The following ACOX2 variants were observed in gnomAD, a reference collection of about 807,000 sequenced individuals.
ACOX2 encodes peroxisomal acyl-coenzyme A oxidase 2.
A neutral mutation model predicts 77.5 loss-of-function variants in ACOX2; 59 were observed. That is an observed-to-expected ratio of 0.76 (90% confidence interval 0.62 to 0.95). The LOEUF is 0.95. Ranked by LOEUF, ACOX2 falls within the 40% of genes least tolerant of loss-of-function variation. The pLI is 0.00. For missense variants in ACOX2, 837 were observed against 880.4 expected (o/e 0.95, Z 0.62); for synonymous variants, 317 against 340.1 (o/e 0.93, Z 0.75).
intron 13 of ACOX2, among the ~76,000 whole-genome samples, chr3:58,510,653 AAAAAAAAAAAATATATATATATATATAT>A (rs2063273420): frequency 1.3e-4 from 5 of 39,938 alleles, no homozygotes; most frequent in Non-Finnish European, 1.8e-4. Context: ...AAAAAAAAAA[AAAAAAAAAAAATATATATATATATATAT>A]ATATATATAT....
chr3:58,515,474 TC>T lies in ACOX2; in HGVS notation c.1850+1731del. Among the ~76,000 whole-genome samples, 1 of 152,132 alleles carries T rather than the reference TC, an allele frequency of 6.6e-6. No homozygotes were observed. The highest frequency in any genetic ancestry group is 2.1e-4 in the South Asian group (1 of 4,826). On this transcript the variant is annotated intron_variant, in intron 13 of 14. Transcript: ENST00000302819. This position sits in a 1 kb window ranked among gnomAD's most constrained non-coding sequence, Gnocchi z 4.0. ...AATCTTATTTTTAAAAAATTACAAATCTTTTAGAGACAGGGTCTCACTATGT... is the reference window on the plus strand; with the variant it reads ...AATCTTATTTTTAAAAAATTACAAATTTTTAGAGACAGGGTCTCACTATGT...
rs369049289 is a variant in ACOX2, at chr3:58,505,305, G to A, written c.1984-19C>T. Reference sequence around the variant, plus strand: ...GGTTCTCCTGTTTGTAGAAAGAAACGCATTATTAACACAGTACATTTCTGC... The same window carrying A: ...GGTTCTCCTGTTTGTAGAAAGAAACACATTATTAACACAGTACATTTCTGC... On this transcript the variant is annotated intron_variant, in intron 14 of 14. Coordinates refer to ENST00000302819, the MANE Select transcript of ACOX2 (RefSeq NM_003500.4). The surrounding 1 kb of genome is among the most constrained non-coding windows in gnomAD (Gnocchi z 4.4). 6.9e-6 allele frequency: 11 copies of A among 1,601,246 alleles called. No homozygotes were observed. Among genetic ancestry groups the A allele is most frequent in the East Asian group, 4.5e-5 (2 of 44,682 alleles).
chr3:58,517,468 C>T (rs1253353703), intron 12 of ACOX2, 45 bp from the exon 13 acceptor site: 2 of 1,571,552 alleles, frequency 1.3e-6, no homozygotes, highest in African/African-American at 2.7e-5. Flanking sequence ...TGGTTTTCTA[C>T]TCCAGAAGTC....
rs551690029 is a variant in ACOX2 at position 58,532,127 on chromosome 3, T to A, written c.584-315A>T. On this transcript the variant is annotated intron_variant, in intron 5 of 14. Transcript: ENST00000302819. ...AGGTGGCGCTAGACCCTGTGATAGA[T>A]GCTTTCCAGTTCTTGCAGGGGAGAG... Among the ~76,000 whole-genome samples the A allele has an allele frequency of 1.8e-3, 274 of 152,250 alleles. 1 individual carries two copies. The highest frequency in any genetic ancestry group is 6.3e-3 in the African/African-American group (260 of 41,550).
rs1168532447 is a variant in ACOX2, at chr3:58,514,688, T to C, written c.1850+2518A>G. ...CATGAGTAAGTTGGCAGATTGCATC[T>C]GGGCTGTCTGTCTTGTCTTGAATTG... On this transcript the variant is annotated intron_variant, in intron 13 of 14. Transcript: ENST00000302819. The surrounding 1 kb of genome is among the most constrained non-coding windows in gnomAD (Gnocchi z 4.3). Among the ~76,000 whole-genome samples, 3 of 152,248 alleles carry C rather than the reference T, an allele frequency of 2.0e-5. No homozygotes were observed. Among genetic ancestry groups the C allele is most frequent in the Non-Finnish European group, 4.4e-5 (3 of 68,046 alleles).
At chr3:58,527,201 T>C (rs907503317) in intron 9 of ACOX2, among the ~76,000 whole-genome samples, 1 of 152,046 alleles carries the variant, frequency 6.6e-6, no homozygotes. Context: ...AATTAAGTCA[T>C]GAGGGTGGAG....
rs2063356481 is a variant in ACOX2 at position 58,521,276 on chromosome 3, C to T, written c.1632+1220G>A. ...GTGCTCAACGTCCAGCCTGCCTGAC[C>T]AGCCCTGTCCCACGAGGGCCTCTGC... On this transcript the variant is annotated intron_variant, in intron 12 of 14. Transcript: ENST00000302819. This position sits in a 1 kb window ranked among gnomAD's most constrained non-coding sequence, Gnocchi z 4.8. Among the ~76,000 whole-genome samples, 1 of 152,294 alleles carries T rather than the reference C, an allele frequency of 6.6e-6. No homozygotes were observed. Among genetic ancestry groups the T allele is most frequent in the African/African-American group, 2.4e-5 (1 of 41,578 alleles).
intron 7 of ACOX2, 45 bp from the exon 8 acceptor site, chr3:58,530,683 C>T (rs1478669455): frequency 1.3e-6 from 2 of 1,583,376 alleles, no homozygotes; most frequent in African/African-American, 2.7e-5. Flanking sequence ...CAAGGCTTCC[C>T]AGGATGCCCT....
rs1471588788 is a variant in ACOX2 at position 58,531,586 on chromosome 3, G to A, written c.703+107C>T. On this transcript the variant is annotated intron_variant, in intron 6 of 14. Coordinates refer to ENST00000302819, the MANE Select transcript of ACOX2 (RefSeq NM_003500.4). This position sits in a 1 kb window ranked among gnomAD's most constrained non-coding sequence, Gnocchi z 5.8. ...TCCAACTGGACCGCTCCCTGCCCAAGGGAGACATGTCTTAGCTACTCCTGT... is the reference window on the plus strand; with the variant it reads ...TCCAACTGGACCGCTCCCTGCCCAAAGGAGACATGTCTTAGCTACTCCTGT... 1.3e-6 allele frequency: 2 copies of A among 1,504,440 alleles called. No homozygotes were observed. The highest frequency in any genetic ancestry group is 1.4e-5 in the African/African-American group (1 of 71,810). 93.2% of individuals were successfully genotyped at this position (1,504,440 alleles called of 1,614,324 possible). A position where few individuals can be genotyped will look rare whatever the true frequency, so the allele number is the denominator to read the frequency against.
intron 12 of ACOX2, among the ~76,000 whole-genome samples, chr3:58,520,952 G>A (rs1365682398): frequency 6.6e-6 from 1 of 152,232 alleles, no homozygotes; most frequent in Non-Finnish European, 1.5e-5. Flanking sequence ...CACCCTTGAA[G>A]TGGAAATAAT....
intron 14 of ACOX2, among the ~76,000 whole-genome samples, chr3:58,508,003 A>G (rs2063247076): frequency 6.6e-6 from 1 of 152,208 alleles, no homozygotes; most frequent in Non-Finnish European, 1.5e-5. Context: ...CACCTGAATC[A>G]TGTATTTGCA....
chr3:58,509,421 G>C (rs1353303889), intron 13 of ACOX2, among the ~76,000 whole-genome samples: 1 of 151,562 alleles, frequency 6.6e-6, no homozygotes, highest in African/African-American at 2.4e-5. Flanking sequence ...CAACTACTTG[G>C]GAGGCTGAGG....
Position 58,531,445 on chromosome 3 carries a change from G to C in ACOX2, c.704-79C>G. 7.3e-7 allele frequency: 1 copy of C among 1,361,880 alleles called. No individual in the cohort carries two copies. The highest frequency in any genetic ancestry group is 1.9e-5 in the Admixed American group (1 of 53,484). 84.4% of individuals were successfully genotyped at this position (1,361,880 alleles called of 1,614,324 possible). ...TGGCAGGTATCATACACACATTCCA[G>C]GTCACAGCAGCCTGTGACACTGGGA... is the stretch of plus-strand genomic sequence containing the variant. On this transcript the variant is annotated intron_variant, in intron 6 of 14. Coordinates refer to ENST00000302819, the MANE Select transcript of ACOX2 (RefSeq NM_003500.4). This position sits in a 1 kb window ranked among gnomAD's most constrained non-coding sequence, Gnocchi z 5.8.
Position 58,533,565 on chromosome 3 carries a change from G to A in ACOX2, c.476-13C>T. The stretch of plus-strand genomic sequence containing the variant: ...TGAAGATATGTCCCTTAGGATCAAG[G>A]AGAGGTGTTAGACATTGGCCTGAGG... On this transcript the variant is annotated splice_polypyrimidine_tract_variant and intron_variant, in intron 4 of 14. Transcript: ENST00000302819. The surrounding 1 kb of genome is among the most constrained non-coding windows in gnomAD (Gnocchi z 5.6). 1 of 1,613,336 alleles carries A rather than the reference G, an allele frequency of 6.2e-7. No individual in the cohort carries two copies. The highest frequency in any genetic ancestry group is 1.3e-5 in the African/African-American group (1 of 75,002).
rs1040382628 is a variant in ACOX2, at chr3:58,509,108, T to C, written c.1851-83A>G. 42 of 1,450,584 alleles carry C rather than the reference T, an allele frequency of 2.9e-5. No individual in the cohort carries two copies. In the African/African-American group the frequency reaches 5.7e-4, roughly 20 times the overall value. 89.9% of individuals were successfully genotyped at this position (1,450,584 alleles called of 1,614,324 possible). ...GTCTTGGATGGTGAATAACAATACCTAATTAGAGGTTGCATGATTATTCGC... is the reference window on the plus strand; with the variant it reads ...GTCTTGGATGGTGAATAACAATACCCAATTAGAGGTTGCATGATTATTCGC... On this transcript the variant is annotated intron_variant, in intron 13 of 14. Coordinates refer to ENST00000302819, the MANE Select transcript of ACOX2 (RefSeq NM_003500.4).
chr3:58,527,643 G>T (rs747828934), intron 9 of ACOX2, among the ~76,000 whole-genome samples: 12 of 151,962 alleles, frequency 7.9e-5, no homozygotes, highest in Non-Finnish European at 1.8e-4. Context: ...CTAGTGCCTT[G>T]ACCTTGGACT....
At chr3:58,529,250 T>G in intron 8 of ACOX2, 2 of 213,160 alleles carry the variant, frequency 9.4e-6, no homozygotes, top group Non-Finnish European at 1.8e-5. Context: ...GTTCTGAGAC[T>G]CCAACACGTC....
chr3:58,516,849 A>G (rs2063324654), intron 13 of ACOX2, among the ~76,000 whole-genome samples: 1 of 152,122 alleles, frequency 6.6e-6, no homozygotes, highest in African/African-American at 2.4e-5. Context: ...AAAAAAGAAA[A>G]GAAAAAAAAA....
intron 12 of ACOX2, among the ~76,000 whole-genome samples, chr3:58,520,405 A>G (rs1271714600): frequency 6.6e-6 from 1 of 152,240 alleles, no homozygotes; most frequent in Non-Finnish European, 1.5e-5. Context: ...GGAGACTGAC[A>G]TCTCTTCTGG....
Sources: allele counts gnomAD v4.1 joint callset (sites outside exome capture counted in the v4.1 genomes callset), GRCh38; gene constraint gnomAD v4.1.1; non-coding constraint Gnocchi (gnomAD v3.1); transcripts MANE v1.5; gene names NCBI Gene and HGNC (gene_info 2026-07-23, HGNC 2026-07-21).